Variants in ERC1 observed in about 807,000 individuals in gnomAD.
ERC1 encodes the protein RAB6 interacting protein 2.
Under a neutral mutation model 132.0 loss-of-function variants are expected in ERC1, and 56 were observed. That is an observed-to-expected ratio of 0.42 (90% confidence interval 0.34 to 0.53). The LOEUF is 0.53. Ranked by LOEUF, ERC1 falls within the 20% of genes least tolerant of loss-of-function variation. The pLI is 0.03. For missense variants in ERC1, 1,202 were observed against 1,349.9 expected, an observed-to-expected ratio of 0.89 and a Z score of 1.72; for synonymous variants, 478 against 476.1, an observed-to-expected ratio of 1.00 and a Z score of -0.05.
chr12:1,443,182 AG>A (rs2093208154), intron 17 of ERC1: 1 of 152,162 alleles, frequency 6.6e-6, no homozygotes, highest in Non-Finnish European at 1.5e-5. Flanking sequence ...TACAGGCGTG[AG>A]CCACCACACC....
chr12:1,175,594 C>T (rs370951838), intron 8 of ERC1, among the ~76,000 whole-genome samples: 4 of 149,680 alleles, frequency 2.7e-5, no homozygotes, highest in Non-Finnish European at 4.4e-5. Flanking sequence ...AGTGCAATGG[C>T]GTGATCTTGG....
chr12:1,365,425 T>A (rs1011291360), intron 15 of ERC1, among the ~76,000 whole-genome samples: 2 of 152,196 alleles, frequency 1.3e-5, no homozygotes, highest in East Asian at 3.9e-4. Flanking sequence ...AGAAGTGAAG[T>A]CAGAATCAGA....
In ERC1 at chr12:1,110,360, G is replaced by A. The variant is rs769529779; in HGVS notation, c.1317+13G>A. ...TATGAAAAATAAGGTAATGGCATGT[G>A]AGACTTTTGATTCTTAAAAGGAGTT... On this transcript the variant is annotated intron_variant, in intron 5 of 18. Transcript: ENST00000360905. The A allele has an allele frequency of 1.2e-5, 19 of 1,578,058 alleles. No individual in the cohort carries two copies. Among genetic ancestry groups the A allele is most frequent in the Middle Eastern group, 1.7e-4 (1 of 5,916 alleles).
intron 2 of ERC1, among the ~76,000 whole-genome samples, chr12:1,043,816 A>C (rs1311683789): frequency 2.1e-5 from 3 of 141,536 alleles, no homozygotes; most frequent in African/African-American, 7.3e-5. Flanking sequence ...ATTTTGGAAA[A>C]GCACTTCAAC....
intron 8 of ERC1, 145 bp downstream of exon 8, chr12:1,141,932 G>A (rs559591082): frequency 2.6e-5 from 15 of 586,676 alleles, no homozygotes; most frequent in African/African-American, 1.7e-4. Flanking sequence ...CTCTTGTTGC[G>A]GTAGGTAGAT....
intron 1 of ERC1, among the ~76,000 whole-genome samples, chr12:1,005,404 G>A (rs1389600488): frequency 6.6e-6 from 1 of 152,114 alleles, no homozygotes; most frequent in African/African-American, 2.4e-5. Context: ...TGGCCTCCGA[G>A]TGTTGGGATT....
Position 1,492,472 on chromosome 12 carries a change from C to G in ERC1, c.*2242C>G, listed in dbSNP as rs1416021806. On this transcript the variant is annotated 3_prime_UTR_variant, in exon 19 of 19. Coordinates refer to ENST00000360905, the MANE Select transcript of ERC1 (RefSeq NM_178040.4). ...CTGGCACGGGCACTGGCCAGCTGCT[C>G]TCTCCAAGCAGGTGGCCCAGATCCC... 1 of 233,198 alleles carries G rather than the reference C, an allele frequency of 4.3e-6. No homozygotes were observed. The highest frequency in any genetic ancestry group is 2.2e-5 in the African/African-American group (1 of 45,348). The allele number at this position is 233,198 out of a possible 1,614,324, so 14.4% of individuals were successfully genotyped here. A position where few individuals can be genotyped will look rare whatever the true frequency, so the allele number is the denominator to read the frequency against.
At chr12:1,255,373 C>T (rs1296598300) in intron 13 of ERC1, among the ~76,000 whole-genome samples, 3 of 152,084 alleles carry the variant, frequency 2.0e-5, no homozygotes, top group African/African-American at 4.8e-5. Flanking sequence ...GGTTCCAAGT[C>T]GTTGCTATTG....
intron 8 of ERC1, among the ~76,000 whole-genome samples, chr12:1,167,795 C>T (rs1224491518): frequency 1.3e-5 from 2 of 151,400 alleles, no homozygotes; most frequent in Admixed American, 6.6e-5. Flanking sequence ...CAGCTCACTG[C>T]AACCTCCGCC....
chr12:1,475,017 G>C (rs990067772), intron 18 of ERC1, among the ~76,000 whole-genome samples: 3 of 152,202 alleles, frequency 2.0e-5, no homozygotes, highest in African/African-American at 7.2e-5. Context: ...TTCAGGGAGG[G>C]CTGGAACAGC....
chr12:1,292,646 G>A (rs935053171), intron 15 of ERC1, among the ~76,000 whole-genome samples: 8 of 152,156 alleles, frequency 5.3e-5, no homozygotes, highest in African/African-American at 1.9e-4. Context: ...GAAGAGTCCA[G>A]TACTAAATTC....
At chr12:1,039,505 G>C (rs1002081094) in intron 2 of ERC1, among the ~76,000 whole-genome samples, 1 of 151,570 alleles carries the variant, frequency 6.6e-6, no homozygotes, top group Admixed American at 6.6e-5. Flanking sequence ...ACTTCCACCT[G>C]GGTGACAGAG....
chr12:1,454,503 C>T (rs1056732900), intron 18 of ERC1, among the ~76,000 whole-genome samples: 1 of 152,170 alleles, frequency 6.6e-6, no homozygotes, highest in African/African-American at 2.4e-5. Context: ...AGCCCTTAAT[C>T]TGTGAAGTCC....
chr12:1,128,514 C>T (rs1948432437), intron 7 of ERC1, among the ~76,000 whole-genome samples: 1 of 152,116 alleles, frequency 6.6e-6, no homozygotes, highest in South Asian at 2.1e-4. Context: ...GGATTACAGG[C>T]GTGAGGCACC....
intron 1 of ERC1, among the ~76,000 whole-genome samples, chr12:1,026,508 T>C (rs148188933): frequency 9.0e-4 from 137 of 152,358 alleles, no homozygotes; most frequent in African/African-American, 3.2e-3. Flanking sequence ...AAGGCTACAA[T>C]ACTTTGTAAG....
At chr12:1,205,930 C>T (rs1259795751) in intron 12 of ERC1, among the ~76,000 whole-genome samples, 2 of 152,030 alleles carry the variant, frequency 1.3e-5, no homozygotes, top group African/African-American at 4.8e-5. Flanking sequence ...CTGGGAAAAG[C>T]TTCAGAAGAA....
chr12:1,124,217 A>G (rs1947895378), intron 7 of ERC1, among the ~76,000 whole-genome samples: 1 of 152,208 alleles, frequency 6.6e-6, no homozygotes, highest in Non-Finnish European at 1.5e-5. Context: ...GTAAAAACTA[A>G]CCATGTACTG....
intron 2 of ERC1, among the ~76,000 whole-genome samples, chr12:1,069,324 A>G (rs1162671796): frequency 2.0e-5 from 3 of 152,168 alleles, no homozygotes; most frequent in South Asian, 2.1e-4. Flanking sequence ...TGTATATAAA[A>G]TGGAAAAGTA....
At chr12:1,260,091 T>C (rs1467930663) in intron 13 of ERC1, among the ~76,000 whole-genome samples, 1 of 152,192 alleles carries the variant, frequency 6.6e-6, no homozygotes, top group East Asian at 1.9e-4. Context: ...TACCTCTTCA[T>C]TTTCATAGAG....
Sources: allele counts gnomAD v4.1 joint callset (sites outside exome capture counted in the v4.1 genomes callset), GRCh38; gene constraint gnomAD v4.1.1; transcripts MANE v1.5; gene names NCBI Gene and HGNC (gene_info 2026-07-23, HGNC 2026-07-21).